The following TRPM7 variants were observed in gnomAD, a reference collection of about 807,000 sequenced individuals.
TRPM7 encodes the protein transient receptor potential cation channel subfamily M member 7.
In TRPM7, 134 loss-of-function variants were observed where a neutral mutation model predicts 229.7. That is an observed-to-expected ratio of 0.58 (90% confidence interval 0.51 to 0.67). TRPM7 has a LOEUF of 0.67. TRPM7 is among the 30% of genes least tolerant of loss of function. The pLI is 0.00. For missense variants in TRPM7, 1,901 were observed against 2,210.0 expected (o/e 0.86, Z 2.80); for synonymous variants, 699 against 715.2 (o/e 0.98, Z 0.36).
At chr15:50,574,793 A>T in intron 34 of TRPM7, 59 bp downstream of exon 34, 4 of 1,588,202 alleles carry the variant, frequency 2.5e-6, no homozygotes, top group Non-Finnish European at 3.4e-6. Flanking sequence ...TTGATATTTC[A>T]GAAGTTAAAA....
chr15:50,599,608 G>A, intron 21 of TRPM7: 1 of 190,846 alleles, frequency 5.2e-6, no homozygotes, highest in Non-Finnish European at 1.1e-5. Flanking sequence ...TTTTCAAGAA[G>A]TACAGAGACA....
intron 1 of TRPM7, among the ~76,000 whole-genome samples, chr15:50,680,002 G>A (rs2062207237): frequency 6.6e-6 from 1 of 150,482 alleles, no homozygotes; most frequent in Admixed American, 6.6e-5. Context: ...GGGGGGCCAA[G>A]GTGGGTGGAT....
intron 9 of TRPM7, 68 bp from the exon 10 acceptor site, chr15:50,631,557 T>A: frequency 1.8e-6 from 2 of 1,098,482 alleles, no homozygotes; most frequent in Non-Finnish European, 1.4e-6. Context: ...TAAAACTCAG[T>A]AATTTCAAAC....
intron 20 of TRPM7, 90 bp downstream of exon 20, chr15:50,607,110 A>AC (rs1228584315): frequency 9.0e-6 from 10 of 1,108,366 alleles, no homozygotes; most frequent in Non-Finnish European, 1.3e-6. Context: ...ACACACACAC[A>AC]CCCCCCTACG....
At chr15:50,682,471 G>C (rs982711869) in intron 1 of TRPM7, among the ~76,000 whole-genome samples, 1 of 151,782 alleles carries the variant, frequency 6.6e-6, no homozygotes, top group African/African-American at 2.4e-5. Context: ...CCAGCTACTA[G>C]AGGCTGAGGC....
intron 1 of TRPM7, among the ~76,000 whole-genome samples, chr15:50,674,146 G>A (rs1212222011): frequency 1.3e-5 from 2 of 152,004 alleles, no homozygotes; most frequent in Non-Finnish European, 2.9e-5. Flanking sequence ...CTGCCACCAC[G>A]CCCAGCTAAT....
At chr15:50,685,242 C>G (rs1033794590) in intron 1 of TRPM7, among the ~76,000 whole-genome samples, 8 of 152,292 alleles carry the variant, frequency 5.3e-5, no homozygotes, top group African/African-American at 1.9e-4. Flanking sequence ...GCGGGCGGAT[C>G]ACCTGAGGTC....
intron 22 of TRPM7, among the ~76,000 whole-genome samples, chr15:50,596,594 A>C (rs1474707236): frequency 6.6e-6 from 1 of 151,240 alleles, no homozygotes; most frequent in Non-Finnish European, 1.5e-5. Context: ...TGTTGTGAGA[A>C]ATGTGGGTGC....
chr15:50,633,113 C>A (rs907393388), intron 8 of TRPM7, 121 bp from the exon 9 acceptor site: 3 of 806,576 alleles, frequency 3.7e-6, no homozygotes, highest in African/African-American at 1.8e-5. Context: ...ACATACTTCA[C>A]CTTGGGTGGG....
At chr15:50,619,676 TTTA>T (rs1305810169) in intron 13 of TRPM7, 66 bp downstream of exon 13, 1 of 1,271,922 alleles carries the variant, frequency 7.9e-7, no homozygotes, top group African/African-American at 1.5e-5. Flanking sequence ...TGATTTTTTT[TTTA>T]AAAAACATGA....
rs779832476 is a variant in TRPM7 at position 50,604,896 on chromosome 15, T to C, written c.2958A>G (p.Ala986=). Residue 986 remains alanine, a synonymous_variant, in exon 21 of 39, where the codon GCA becomes GCG. Coordinates refer to ENST00000646667, the MANE Select transcript of TRPM7 (RefSeq NM_017672.6). ...LLDFLAVNQQ[A]GPYVMMIGKM... is the part of the protein sequence containing the mutation. ...TTCCAATCATCATTACATAAGGTCC[T>C]GCCTGTTGATTTACAGCTAGAAAAT... 1 of 1,609,840 alleles carries C rather than the reference T, an allele frequency of 6.2e-7. No homozygotes were observed.
chr15:50,648,780 T>C lies in TRPM7; in HGVS notation c.228A>G (p.Glu76=). 1 of 1,613,584 alleles carries C rather than the reference T, an allele frequency of 6.2e-7. No homozygotes were observed. Among genetic ancestry groups the C allele is most frequent in the Non-Finnish European group, 8.5e-7 (1 of 1,179,696 alleles). Residue 76 remains glutamate (E), a synonymous_variant, in exon 4 of 39, where the codon GAA becomes GAG. Coordinates refer to ENST00000646667, the MANE Select transcript of TRPM7 (RefSeq NM_017672.6). ...CTGTATGCTTTTCCACAGACCATTC[T>C]TCTATTGCCTGATTAAAATGGTCAC... ...KLGDHFNQAI[E]EWSVEKHTEQ...
chr15:50,588,919 AGGTTT>A (rs2059410226), intron 27 of TRPM7, among the ~76,000 whole-genome samples: 1 of 152,206 alleles, frequency 6.6e-6, no homozygotes, highest in Non-Finnish European at 1.5e-5. Flanking sequence ...GCTAGACAAT[AGGTTT>A]CTAAGAGTCA....
intron 25 of TRPM7, 152 bp from the exon 26 acceptor site, chr15:50,592,778 C>G (rs186308342): frequency 8.3e-6 from 5 of 598,864 alleles, no homozygotes; most frequent in Admixed American, 3.3e-5. Context: ...TTATACAAGG[C>G]CTACCTTATG....
intron 1 of TRPM7, 51 bp from the exon 2 acceptor site, chr15:50,663,097 G>A (rs2061776004): frequency 2.2e-6 from 3 of 1,367,436 alleles, no homozygotes; most frequent in Non-Finnish European, 2.1e-6. Flanking sequence ...CACTAAATAA[G>A]AAGGAAACAA....
rs2061614998 is a variant in TRPM7 at position 50,657,795 on chromosome 15, A to AAGG, written c.107_108insCCT (p.Cys36_Gln37insLeu). On this transcript the variant is annotated inframe_insertion, in exon 3 of 39. Coordinates refer to ENST00000646667, the MANE Select transcript of TRPM7 (RefSeq NM_017672.6). ...GTTAAACTTACCTGACGAGTTGCTG[A>AAGG]CAAATTTGACATCCTGGAAGGCATC... 7 of 1,611,794 alleles carry AAGG rather than the reference A, an allele frequency of 4.3e-6. No homozygotes were observed. The highest frequency in any genetic ancestry group is 1.3e-5 in the African/African-American group (1 of 74,858).
rs1278220519 is a variant in TRPM7 at position 50,560,675 on chromosome 15, CATA to C, written c.*1000_*1002del. 3.3e-5 allele frequency: 5 copies of C among 152,614 alleles called. No individual in the cohort carries two copies. The highest frequency in any genetic ancestry group is 7.3e-5 in the Non-Finnish European group (5 of 68,040). 9.5% of individuals were successfully genotyped at this position (152,614 alleles called of 1,614,324 possible). A position where few individuals can be genotyped will look rare whatever the true frequency, so the allele number is the denominator to read the frequency against. On this transcript the variant is annotated 3_prime_UTR_variant, in exon 39 of 39. Coordinates refer to ENST00000646667, the MANE Select transcript of TRPM7 (RefSeq NM_017672.6). ...GTTGCACTGCAATCTGCCAGTATCA[CATA>C]ATGATAATCCAACTGAATTAATTTC...
At chr15:50,611,045 CTTTTT>C in intron 17 of TRPM7, 43 bp downstream of exon 17, 3 of 1,448,866 alleles carry the variant, frequency 2.1e-6, no homozygotes, top group Non-Finnish European at 2.9e-6. Flanking sequence ...TTCTTCTGTT[CTTTTT>C]ATCTAATCAC....
At chr15:50,642,116 AG>A (rs1403674860) in intron 5 of TRPM7, among the ~76,000 whole-genome samples, 1 of 152,196 alleles carries the variant, frequency 6.6e-6, no homozygotes, top group African/African-American at 2.4e-5. Context: ...TATATGTGAT[AG>A]GGAAGATATA....
Sources: gnomAD v4.1 joint callset for allele counts (sites outside exome capture counted in the v4.1 genomes callset) on GRCh38, gnomAD v4.1.1 for gene constraint, MANE v1.5 for transcripts, NCBI Gene and HGNC (gene_info 2026-07-23, HGNC 2026-07-21) for gene names.